The following ARFGEF2 variants were observed in gnomAD, a reference collection of about 807,000 sequenced individuals.
The protein encoded by ARFGEF2 is ARF guanine nucleotide exchange factor 2, also known as brefeldin A-inhibited guanine nucleotide-exchange protein 2.
ARFGEF2 carries 74 observed loss-of-function variants against 219.9 expected under a neutral mutation model. That is an observed-to-expected ratio of 0.34 (90% CI 0.28 to 0.41). The LOEUF is 0.41. Ranked by LOEUF, ARFGEF2 falls within the 10% of genes least tolerant of loss-of-function variation. The probability of loss-of-function intolerance (pLI) is 1.00; values close to 1 mark genes in which losing one functional copy is unlikely to be tolerated. For missense variants in ARFGEF2, 1,743 were observed against 2,218.3 expected (o/e 0.79, Z 4.30); for synonymous variants, 733 against 799.2 (o/e 0.92, Z 1.40).
At chr20:49,004,970 G>A (rs1401657523) in intron 25 of ARFGEF2, 100 bp from the exon 26 acceptor site, 1 of 1,318,340 alleles carries the variant, frequency 7.6e-7, no homozygotes, top group Non-Finnish European at 1.1e-6. Flanking sequence ...TTCCCTGAAT[G>A]TTTGTTTTGA....
intron 16 of ARFGEF2, among the ~76,000 whole-genome samples, 161 bp downstream of exon 16, chr20:48,985,774 G>T (rs1478824035): frequency 6.6e-6 from 1 of 152,176 alleles, no homozygotes; most frequent in African/African-American, 2.4e-5. Context: ...TTTCACATAA[G>T]ACCTCACAGC....
chr20:49,025,407 G>GT lies in ARFGEF2; in HGVS notation c.4853dup (p.Leu1618PhefsTer27), dbSNP rs778626838. The GT allele has an allele frequency of 6.2e-7, 1 of 1,614,164 alleles. No individual in the cohort carries two copies. The highest frequency in any genetic ancestry group is 8.5e-7 in the Non-Finnish European group (1 of 1,180,020). ...CAGCACCTCTTCAAGCTGTTGGACTGTTTGCAGGAATCCCATTCATTCTCA... is the reference window on the plus strand; with the variant it reads ...CAGCACCTCTTCAAGCTGTTGGACTGTTTTGCAGGAATCCCATTCATTCTCA... On this transcript the variant is annotated frameshift_variant, in exon 36 of 39. Transcript: ENST00000371917. LOFTEE classifies it high-confidence loss of function.
intron 6 of ARFGEF2, among the ~76,000 whole-genome samples, chr20:48,961,139 T>A (rs558450084): frequency 1.3e-5 from 2 of 149,496 alleles, no homozygotes; most frequent in South Asian, 2.1e-4. Context: ...TAAATTAATT[T>A]TAGCTTACTG....
rs376890535 is a variant in ARFGEF2 at position 49,025,415 on chromosome 20, G to A, written c.4858G>A (p.Glu1620Lys). 6.8e-6 allele frequency: 11 copies of A among 1,613,978 alleles called. No individual in the cohort carries two copies. The highest frequency in any genetic ancestry group is 3.3e-5 in the Admixed American group (2 of 59,996). The change falls in exon 36 of 39, where the codon GAA becomes AAA. Residue 1620 changes from glutamate (E) to lysine (K), a missense_variant. Physicochemically the swap from Glu to Lys is moderately conservative, Grantham distance 56. Around this residue, in one of 5 missense-constraint regions of ARFGEF2, gnomAD observed 578 missense variants for 664.0 expected, o/e 0.87. Transcript: ENST00000371917. ...CTTCAAGCTGTTGGACTGTTTGCAG[G>A]AATCCCATTCATTCTCAAAGGCCTT... ...HLFKLLDCLQ[E>K]SHSFSKAFNS... is the part of the protein sequence containing the mutation.
intron 26 of ARFGEF2, among the ~76,000 whole-genome samples, chr20:49,007,506 C>G (rs1207423791): frequency 2.6e-5 from 4 of 151,334 alleles, no homozygotes; most frequent in Non-Finnish European, 5.9e-5. Flanking sequence ...TCAGGCTGGT[C>G]TCAAACCCCT....
intron 18 of ARFGEF2, 41 bp from the exon 19 acceptor site, chr20:48,989,244 C>G: frequency 6.2e-7 from 1 of 1,612,858 alleles, no homozygotes; most frequent in East Asian, 2.2e-5. Flanking sequence ...AGCCAGCCCT[C>G]AGTGACTGCT....
At chr20:48,924,898 A>T (rs1039958586) in intron 1 of ARFGEF2, among the ~76,000 whole-genome samples, 27 of 152,162 alleles carry the variant, frequency 1.8e-4, no homozygotes, top group Admixed American at 4.6e-4. Flanking sequence ...TGTGCAAAAA[A>T]CTTGGCATGT....
Position 48,994,576 on chromosome 20 carries a change from A to C in ARFGEF2, c.3099A>C (p.Glu1033Asp), listed in dbSNP as rs569633405. 3.1e-6 allele frequency: 5 copies of C among 1,613,922 alleles called. No homozygotes were observed. The African/African-American group carries it at 6.7e-5, about 22-fold the overall frequency. Residue 1033 changes from glutamate to aspartate, a missense_variant, in exon 22 of 39, where the codon GAA becomes GAC. By Grantham distance (45) the Glu-to-Asp change is conservative (BLOSUM62 2). Transcript: ENST00000371917. Reference sequence around the variant, plus strand: ...TGAAGGGCCACACATTGGCAGGAGAAGAGTTCATGGGCCTTGGCCTCGGTA... The same window carrying C: ...TGAAGGGCCACACATTGGCAGGAGACGAGTTCATGGGCCTTGGCCTCGGTA... ...GSLKGHTLAG[E>D]EFMGLGLGNL...
At chr20:48,943,842 A>T (rs2091008537) in intron 3 of ARFGEF2, among the ~76,000 whole-genome samples, 1 of 152,236 alleles carries the variant, frequency 6.6e-6, no homozygotes, top group Admixed American at 6.5e-5. Context: ...AATACTTTCT[A>T]GAACAGGAAT....
intron 1 of ARFGEF2, among the ~76,000 whole-genome samples, chr20:48,940,843 A>G (rs1489075765): frequency 1.3e-5 from 2 of 152,202 alleles, no homozygotes; most frequent in Non-Finnish European, 2.9e-5. Flanking sequence ...TAAACATCCT[A>G]GAGTGCACAG....
At chr20:48,967,790 C>G (rs1215221130) in intron 8 of ARFGEF2, among the ~76,000 whole-genome samples, 1 of 152,108 alleles carries the variant, frequency 6.6e-6, no homozygotes, top group Non-Finnish European at 1.5e-5. Flanking sequence ...AGCCTTTATT[C>G]AAATCTTTGC....
At chr20:48,991,443 C>A (rs2091356778) in intron 21 of ARFGEF2, among the ~76,000 whole-genome samples, 1 of 151,592 alleles carries the variant, frequency 6.6e-6, no homozygotes, top group South Asian at 2.1e-4. Flanking sequence ...GTTGTTGCAA[C>A]TTTCTTTCCA....
rs868644761 is a variant in ARFGEF2 at position 48,921,987 on chromosome 20, G to T, written c.98G>T (p.Arg33Leu). The change falls in exon 1 of 39, where the codon CGC becomes CTC. Residue 33 changes from arginine (R) to leucine (L), a missense_variant. By Grantham distance (102) the Arg-to-Leu change is moderately radical. Coordinates refer to ENST00000371917, the MANE Select transcript of ARFGEF2 (RefSeq NM_006420.3). ...EVKRPQHSQL[R>L]RACQVALDEI... ...AAGCGGCCCCAGCACTCCCAGCTGC[G>T]CAGGGCCTGCCAGGTGGCGCTCGGT... 2.5e-6 allele frequency: 4 copies of T among 1,579,674 alleles called. No homozygotes were observed. Among genetic ancestry groups the T allele is most frequent in the Admixed American group, 1.8e-5 (1 of 54,878 alleles).
At chr20:48,972,901 G>A (rs1266370259) in intron 11 of ARFGEF2, among the ~76,000 whole-genome samples, 1 of 152,172 alleles carries the variant, frequency 6.6e-6, no homozygotes, top group Non-Finnish European at 1.5e-5. Flanking sequence ...CTTCCTTGAT[G>A]AGAAAATTGA....
intron 31 of ARFGEF2, among the ~76,000 whole-genome samples, chr20:49,016,946 A>G (rs1459416593): frequency 6.6e-6 from 1 of 152,226 alleles, no homozygotes; most frequent in African/African-American, 2.4e-5. Context: ...GAGTGACTAA[A>G]TTTTTGAAAA....
intron 31 of ARFGEF2, 111 bp from the exon 32 acceptor site, chr20:49,017,138 C>T: frequency 1.8e-6 from 2 of 1,101,420 alleles, no homozygotes; most frequent in East Asian, 2.6e-5. Context: ...TAATTAAAAG[C>T]CTAGAAACTC....
At chr20:49,016,497 A>T (rs1182052642) in intron 31 of ARFGEF2, 82 bp downstream of exon 31, 10 of 1,437,002 alleles carry the variant, frequency 7.0e-6, no homozygotes, top group South Asian at 1.2e-5. Context: ...AAAAGCATGG[A>T]TGTAGTGCCA....
intron 10 of ARFGEF2, among the ~76,000 whole-genome samples, chr20:48,971,956 G>A (rs570794165): frequency 6.6e-6 from 1 of 152,218 alleles, no homozygotes; most frequent in South Asian, 2.1e-4. Flanking sequence ...TAACCAATAT[G>A]GTCTGTCTGC....
chr20:49,031,792 T>C (rs1213236724), intron 37 of ARFGEF2, among the ~76,000 whole-genome samples: 5 of 151,898 alleles, frequency 3.3e-5, no homozygotes, highest in African/African-American at 1.2e-4. Context: ...GGCGCAAGCA[T>C]GTAGTGTTAG....
Sources: allele counts gnomAD v4.1 joint callset (sites outside exome capture counted in the v4.1 genomes callset), GRCh38; gene constraint gnomAD v4.1.1; regional missense constraint gnomAD v4.1.1; transcripts MANE v1.5; gene names NCBI Gene and HGNC (gene_info 2026-07-23, HGNC 2026-07-21).